The following MAP2 variants were observed in gnomAD, a reference collection of about 807,000 sequenced individuals.
MAP2 encodes the protein microtubule associated protein 2, also known as microtubule-associated protein 2.
In MAP2, 14 loss-of-function variants were observed where a neutral mutation model predicts 137.6. The observed-to-expected ratio is 0.10, with a 90% CI of 0.07 to 0.16. The LOEUF is 0.16. Ranked by LOEUF, MAP2 falls within the 10% of genes least tolerant of loss-of-function variation. The pLI is 1.00. For missense variants in MAP2, 2,088 were observed against 2,191.5 expected, an observed-to-expected ratio of 0.95 and a Z score of 0.94; for synonymous variants, 786 against 782.3, an observed-to-expected ratio of 1.00 and a Z score of -0.08.
At chr2:209,534,540 T>A (rs1222578075) in intron 2 of MAP2, among the ~76,000 whole-genome samples, 2 of 152,232 alleles carry the variant, frequency 1.3e-5, no homozygotes. Context: ...GTAGCATTGC[T>A]TACCCCTTCT....
chr2:209,628,246 T>A (rs1209184070), intron 4 of MAP2, among the ~76,000 whole-genome samples: 1 of 152,076 alleles, frequency 6.6e-6, no homozygotes, highest in Non-Finnish European at 1.5e-5. Context: ...GTGCCTGTAA[T>A]CCCAGCTACT....
At chr2:209,609,469 A>G (rs755550516) in intron 3 of MAP2, among the ~76,000 whole-genome samples, 1 of 152,138 alleles carries the variant, frequency 6.6e-6, no homozygotes, top group Non-Finnish European at 1.5e-5. Context: ...TATCACCCCC[A>G]ATGGAAACCC....
intron 1 of MAP2, among the ~76,000 whole-genome samples, chr2:209,472,415 G>T (rs978302861): frequency 2.6e-5 from 4 of 152,154 alleles, no homozygotes; most frequent in Non-Finnish European, 1.5e-5. Context: ...TACTTGGCCT[G>T]CTGCTTCATT....
At chr2:209,470,342 G>A (rs536991124) in intron 1 of MAP2, among the ~76,000 whole-genome samples, 24 of 152,060 alleles carry the variant, frequency 1.6e-4, no homozygotes, top group South Asian at 1.2e-3. Context: ...CTAGCCAAGC[G>A]TATTATTAAC....
At position 209,582,135 on chromosome 2, in the gene MAP2, T is replaced by G. The variant is rs113724133; in HGVS notation, c.-107+2035T>G. 9.2e-3 allele frequency among the ~76,000 whole-genome samples: 1,402 copies of G among 152,232 alleles called. 23 individuals carry two copies. The highest frequency in any genetic ancestry group is 0.031 in the African/African-American group (1,297 of 41,530). ...AGTAGGAATTCAATAAATATTTATTTAATTATTTCACAAATAAATGAATTT... is the reference window on the plus strand; with the variant it reads ...AGTAGGAATTCAATAAATATTTATTGAATTATTTCACAAATAAATGAATTT... On this transcript the variant is annotated intron_variant, in intron 3 of 15. Coordinates refer to ENST00000682079, the MANE Select transcript of MAP2 (RefSeq NM_001375505.1).
intron 2 of MAP2, among the ~76,000 whole-genome samples, chr2:209,514,317 G>T (rs1475633775): frequency 1.3e-5 from 2 of 151,890 alleles, no homozygotes; most frequent in Non-Finnish European, 2.9e-5. Flanking sequence ...TGTCTTTGGG[G>T]TGATTATTGT....
intron 2 of MAP2, among the ~76,000 whole-genome samples, chr2:209,559,824 A>T (rs551558284): frequency 1.3e-5 from 2 of 149,138 alleles, no homozygotes; most frequent in Non-Finnish European, 3.0e-5. Context: ...AGTCAGCCAC[A>T]TTTTTTTTTC....
At chr2:209,538,674 A>G (rs190698369) in intron 2 of MAP2, among the ~76,000 whole-genome samples, 1 of 152,062 alleles carries the variant, frequency 6.6e-6, no homozygotes, top group Non-Finnish European at 1.5e-5. Flanking sequence ...ATACGTATCA[A>G]ACTTCCATAT....
intron 1 of MAP2, among the ~76,000 whole-genome samples, chr2:209,505,236 C>T (rs1325417015): frequency 6.6e-6 from 1 of 152,074 alleles, no homozygotes; most frequent in African/African-American, 2.4e-5. Context: ...AAAAGATGTA[C>T]CTCACAGTTT....
chr2:209,460,885 A>G (rs1702621936), intron 1 of MAP2, among the ~76,000 whole-genome samples: 1 of 151,926 alleles, frequency 6.6e-6, no homozygotes, highest in Admixed American at 6.6e-5. Flanking sequence ...AGTAGCTGGG[A>G]TTACAGGCAC....
At chr2:209,481,359 G>A (rs1332746811) in intron 1 of MAP2, among the ~76,000 whole-genome samples, 1 of 152,158 alleles carries the variant, frequency 6.6e-6, no homozygotes, top group Non-Finnish European at 1.5e-5. Context: ...CCAGGTAAAG[G>A]AAGGCAATCT....
In MAP2 at chr2:209,729,955, A is replaced by G; in HGVS notation, c.5261A>G (p.Asn1754Ser). Reference protein sequence around the residue: ...DNAHHVPGGGNVKIDSQKLNF... With the variant: ...DNAHHVPGGGSVKIDSQKLNF... ...GCTCATCATGTACCTGGAGGTGGTAATGTCAAGGTAAGAAACAAGGTTATG... is the reference window on the plus strand; with the variant it reads ...GCTCATCATGTACCTGGAGGTGGTAGTGTCAAGGTAAGAAACAAGGTTATG... Residue 1754 changes from asparagine (N) to serine (S), a missense_variant, in exon 15 of 16, where the codon AAT becomes AGT. Transcript: ENST00000682079. 1 of 1,601,146 alleles carries G rather than the reference A, an allele frequency of 6.2e-7. No homozygotes were observed. Among genetic ancestry groups the G allele is most frequent in the African/African-American group, 1.3e-5 (1 of 74,524 alleles).
At chr2:209,431,754 A>G (rs1265409428) in intron 1 of MAP2, among the ~76,000 whole-genome samples, 2 of 152,046 alleles carry the variant, frequency 1.3e-5, no homozygotes, top group Non-Finnish European at 2.9e-5. Flanking sequence ...CTGTTCTCTG[A>G]GCTGAGGGTG....
intron 3 of MAP2, among the ~76,000 whole-genome samples, chr2:209,619,244 G>C (rs111747690): frequency 0.011 from 1,705 of 152,102 alleles, 31 homozygotes; most frequent in African/African-American, 0.04. Context: ...ACAATATATT[G>C]TATTCCTGAA....
At chr2:209,594,092 G>T (rs961175687) in intron 3 of MAP2, among the ~76,000 whole-genome samples, 4 of 141,546 alleles carry the variant, frequency 2.8e-5, no homozygotes, top group African/African-American at 1.1e-4. Context: ...AGGCTGCAGT[G>T]AGCTATGATT....
chr2:209,728,467 C>G (rs560857655), intron 14 of MAP2, among the ~76,000 whole-genome samples: 4 of 152,148 alleles, frequency 2.6e-5, no homozygotes, highest in Non-Finnish European at 5.9e-5. Flanking sequence ...TAAATAACAT[C>G]ATACAGTTTC....
chr2:209,525,282 T>C (rs1352623698), intron 2 of MAP2, among the ~76,000 whole-genome samples: 2 of 152,198 alleles, frequency 1.3e-5, no homozygotes, highest in African/African-American at 2.4e-5. Flanking sequence ...TTGTTTTTAA[T>C]ATAGAGATTA....
intron 5 of MAP2, among the ~76,000 whole-genome samples, chr2:209,669,811 T>C (rs771185098): frequency 6.6e-6 from 1 of 151,544 alleles, no homozygotes; most frequent in Non-Finnish European, 1.5e-5. Context: ...ACACACAAAA[T>C]TGCTTTTCCA....
intron 2 of MAP2, among the ~76,000 whole-genome samples, chr2:209,508,158 T>G (rs747652860): frequency 6.6e-6 from 1 of 151,768 alleles, no homozygotes; most frequent in Non-Finnish European, 1.5e-5. Flanking sequence ...TTGGCCTTAA[T>G]TGAGACTCGA....
Sources: gnomAD v4.1 joint callset for allele counts (sites outside exome capture counted in the v4.1 genomes callset) on GRCh38, gnomAD v4.1.1 for gene constraint, MANE v1.5 for transcripts, NCBI Gene and HGNC (gene_info 2026-07-23, HGNC 2026-07-21) for gene names.